The following RTN4 variants were observed in gnomAD, a reference collection of about 807,000 sequenced individuals.
RTN4 encodes reticulon-4.
In RTN4, 32 loss-of-function variants were observed where a neutral mutation model predicts 90.4. The observed-to-expected ratio is 0.35, with a 90% CI of 0.27 to 0.48. RTN4 has a LOEUF of 0.48. Among genes scored for constraint, RTN4 ranks in the 20% least tolerant of loss-of-function variants. The pLI is 0.99. For synonymous variants in RTN4, 629 were observed against 552.5 expected (o/e 1.14, Z -1.94); for missense variants, 1,706 against 1,430.2 (o/e 1.19, Z -3.11).
intron 2 of RTN4, among the ~76,000 whole-genome samples, chr2:55,068,891 G>A (rs1402003359): frequency 3.9e-5 from 6 of 152,096 alleles, no homozygotes; most frequent in African/African-American, 9.7e-5. Context: ...CAGTGAAACC[G>A]GCTTTTCTTT....
intron 1 of RTN4, chr2:55,049,109 A>C (rs1667945418): frequency 1.0e-6 from 1 of 985,548 alleles, no homozygotes; most frequent in Non-Finnish European, 1.2e-6. Flanking sequence ...TTCTCCACGC[A>C]CCACACCACT....
chr2:55,076,548 C>G (rs1330490380), intron 2 of RTN4, among the ~76,000 whole-genome samples: 1 of 151,978 alleles, frequency 6.6e-6, no homozygotes, highest in Non-Finnish European at 1.5e-5. Context: ...TATAGGCATG[C>G]ATAACCACGC....
At chr2:55,073,928 C>T (rs1051098642) in intron 2 of RTN4, among the ~76,000 whole-genome samples, 1 of 152,220 alleles carries the variant, frequency 6.6e-6, no homozygotes, top group Non-Finnish European at 1.5e-5. Flanking sequence ...GCACCACCCT[C>T]CCTCAGGACC....
chr2:55,068,298 A>T (rs1254809280), intron 2 of RTN4, among the ~76,000 whole-genome samples: 1 of 152,148 alleles, frequency 6.6e-6, no homozygotes, highest in Non-Finnish European at 1.5e-5. Flanking sequence ...TGGATCTTTC[A>T]CCCATGCATC....
At chr2:55,127,306 C>G in the RTN4 span, among the ~76,000 whole-genome samples, 2 of 152,294 alleles carry the variant, frequency 1.3e-5, no homozygotes, top group Admixed American at 1.3e-4. Context: ...AAGATGATCA[C>G]CTTTGGATGA....
chr2:55,029,640 A>C (rs917164329), intron 1 of RTN4, among the ~76,000 whole-genome samples: 1 of 152,212 alleles, frequency 6.6e-6, no homozygotes, highest in Admixed American at 6.5e-5. Context: ...ATGAATTAGG[A>C]GAGCTAACTT....
chr2:54,997,564 T>A (rs1385741317), intron 3 of RTN4, among the ~76,000 whole-genome samples: 1 of 152,180 alleles, frequency 6.6e-6, no homozygotes, highest in Non-Finnish European at 1.5e-5. Flanking sequence ...CATAGCAGCA[T>A]TATTCATGAT....
chr2:55,119,463 TGATAGCTGGCTGGC>T, the RTN4 span, among the ~76,000 whole-genome samples: 1 of 152,216 alleles, frequency 6.6e-6, no homozygotes, highest in Non-Finnish European at 1.5e-5. Context: ...AGAGCTCGTG[TGATAGCTGGCTGGC>T]TTCATCCCTT....
intron 1 of RTN4, among the ~76,000 whole-genome samples, chr2:55,048,628 G>A (rs942304596): frequency 5.3e-5 from 8 of 152,086 alleles, no homozygotes; most frequent in African/African-American, 1.7e-4. Flanking sequence ...TGGAGCCACC[G>A]TTGCAAATGC....
At chr2:55,003,878 G>A in intron 3 of RTN4, among the ~76,000 whole-genome samples, 1 of 152,078 alleles carries the variant, frequency 6.6e-6, no homozygotes, top group East Asian at 1.9e-4. Flanking sequence ...TAAGAGACGT[G>A]GGCATCTGTG....
intron 1 of RTN4, among the ~76,000 whole-genome samples, chr2:55,048,284 T>C (rs1573474237): frequency 6.6e-6 from 1 of 152,246 alleles, no homozygotes; most frequent in Admixed American, 6.5e-5. Context: ...GACATTACCA[T>C]GTACTACTGT....
intron 1 of RTN4, among the ~76,000 whole-genome samples, chr2:55,111,526 G>T (rs968569009): frequency 6.6e-6 from 1 of 152,182 alleles, no homozygotes; most frequent in Non-Finnish European, 1.5e-5. Flanking sequence ...AGTGTTTGTG[G>T]GAGCAGAGGG....
the RTN4 span, among the ~76,000 whole-genome samples, chr2:55,137,323 G>C: frequency 1.3e-5 from 2 of 152,218 alleles, no homozygotes; most frequent in African/African-American, 4.8e-5. Context: ...GGAGGCCAGA[G>C]AGGGGGCCAG....
chr2:55,026,685 T>G lies in RTN4; in HGVS notation c.1414A>C (p.Thr472Pro). The G allele has an allele frequency of 6.2e-7, 1 of 1,613,904 alleles. No homozygotes were observed. The highest frequency in any genetic ancestry group is 1.3e-5 in the African/African-American group (1 of 75,038). Residue 472 changes from threonine (T) to proline (P), a missense_variant, in exon 3 of 9, where the codon ACT becomes CCT. Physicochemically the swap from Thr to Pro is conservative, Grantham distance 38. Transcript: ENST00000337526. ...ITCAPFNPAA[T>P]ESIATNIFPL... is the part of the protein sequence containing the mutation. Reference sequence around the variant, plus strand: ...AAAATGTTTGTTGCAATGCTCTCAGTTGCTGCTGGGTTAAAGGGAGCACAT... The same window carrying G: ...AAAATGTTTGTTGCAATGCTCTCAGGTGCTGCTGGGTTAAAGGGAGCACAT...
Position 55,106,252 on chromosome 2 carries a change from C to G in RTN4, c.-214+6268G>C, listed in dbSNP as rs964496705. Reference sequence around the variant, plus strand: ...TCCCAGCTCAGACGCACATATTCCACTTGGGTGACAGCTCACCCTACCCTG... The same window carrying G: ...TCCCAGCTCAGACGCACATATTCCAGTTGGGTGACAGCTCACCCTACCCTG... On this transcript the variant is annotated intron_variant, in intron 1 of 3. Transcript: ENST00000427710. Among the ~76,000 whole-genome samples, 12 of 152,242 alleles carry G rather than the reference C, an allele frequency of 7.9e-5. No individual in the cohort carries two copies. The East Asian group carries it at 2.3e-3, about 29-fold the overall frequency.
At chr2:55,054,299 T>G (rs10179594), upstream of RTN4, among the ~76,000 whole-genome samples, 139,083 of 152,140 alleles carry the variant, frequency 0.91, 63,699 homozygotes, top group Middle Eastern at 0.99. Context: ...TTATCTTGCT[T>G]AACCATCCCT....
At chr2:55,070,870 G>A (rs991744520) in intron 2 of RTN4, among the ~76,000 whole-genome samples, 4 of 151,386 alleles carry the variant, frequency 2.6e-5, no homozygotes, top group Non-Finnish European at 5.9e-5. Context: ...TCTGTCTCCC[G>A]GGTTCACGCC....
At chr2:55,031,984 T>C (rs1183512736) in intron 1 of RTN4, among the ~76,000 whole-genome samples, 1 of 151,956 alleles carries the variant, frequency 6.6e-6, no homozygotes, top group Non-Finnish European at 1.5e-5. Context: ...ACATGCAGTA[T>C]AAAATAAATT....
At chr2:55,042,626 A>G (rs1047724803) in intron 1 of RTN4, among the ~76,000 whole-genome samples, 1 of 152,204 alleles carries the variant, frequency 6.6e-6, no homozygotes, top group Admixed American at 6.5e-5. Context: ...TTCTTGTAGT[A>G]CTGTTTGGAA....
Sources: allele counts gnomAD v4.1 joint callset (sites outside exome capture counted in the v4.1 genomes callset), GRCh38; gene constraint gnomAD v4.1.1; transcripts MANE v1.5; gene names NCBI Gene and HGNC (gene_info 2026-07-23, HGNC 2026-07-21).